The following MAP7 variants were observed in gnomAD, a reference collection of about 807,000 sequenced individuals.
MAP7 encodes ensconsin.
MAP7 carries 52 observed loss-of-function variants against 94.8 expected under a neutral mutation model. The ratio of observed to expected loss-of-function variants is 0.55; its 90% CI spans 0.44 to 0.69. The LOEUF is 0.69. Ranked by LOEUF, MAP7 falls within the 30% of genes least tolerant of loss-of-function variation. The pLI, the probability that MAP7 is intolerant of heterozygous loss-of-function variation, is 0.00. For missense variants in MAP7, 940 were observed against 964.6 expected (o/e 0.97, Z 0.34); for synonymous variants, 350 against 357.0 (o/e 0.98, Z 0.22).
chr6:136,460,792 C>A (rs1175214399), intron 1 of MAP7, among the ~76,000 whole-genome samples: 1 of 152,064 alleles, frequency 6.6e-6, no homozygotes, highest in African/African-American at 2.4e-5. Context: ...ATCCAAGGTG[C>A]ATCTGAAGAT....
intron 1 of MAP7, among the ~76,000 whole-genome samples, chr6:136,485,725 G>T (rs1324322886): frequency 2.6e-5 from 4 of 151,554 alleles, no homozygotes; most frequent in Non-Finnish European, 5.9e-5. Context: ...ACTACGCCCG[G>T]CTAATTTTTT....
intron 1 of MAP7, among the ~76,000 whole-genome samples, chr6:136,426,306 A>AT (rs1793122755): frequency 6.6e-6 from 1 of 152,124 alleles, no homozygotes; most frequent in Admixed American, 6.5e-5. Context: ...GAATTAAGTA[A>AT]TTTTTTCAAC....
At chr6:136,456,767 G>GGAGGAATAAGAAGAAGAA (rs1179338276) in intron 1 of MAP7, among the ~76,000 whole-genome samples, 2 of 60,520 alleles carry the variant, frequency 3.3e-5, no homozygotes, top group African/African-American at 1.5e-4. Context: ...AGGAGGAGGA[G>GGAGGAATAAGAAGAAGAA]GAAGAAGAAG....
intron 1 of MAP7, among the ~76,000 whole-genome samples, chr6:136,498,114 A>C (rs1818832607): frequency 6.6e-6 from 1 of 152,100 alleles, no homozygotes. Context: ...TGAAAGCTAC[A>C]CCTTTTCCCC....
intron 1 of MAP7, among the ~76,000 whole-genome samples, chr6:136,454,865 C>A (rs1218761069): frequency 6.6e-6 from 1 of 152,004 alleles, no homozygotes; most frequent in East Asian, 2.0e-4. Flanking sequence ...TGCCACTGCA[C>A]ACCTGCTTGG....
chr6:136,374,173 G>A (rs73559055), intron 7 of MAP7, among the ~76,000 whole-genome samples: 2,316 of 152,182 alleles, frequency 0.015, 36 homozygotes, highest in East Asian at 0.039. Flanking sequence ...ATATATGTAC[G>A]TCTTAATTGG....
At chr6:136,367,037 T>C (rs1470888146) in intron 8 of MAP7, among the ~76,000 whole-genome samples, 1 of 152,204 alleles carries the variant, frequency 6.6e-6, no homozygotes, top group Non-Finnish European at 1.5e-5. Context: ...AAGTCAGGTT[T>C]AAAGTGAGGA....
intron 1 of MAP7, among the ~76,000 whole-genome samples, chr6:136,482,037 T>C (rs764805183): frequency 3.3e-5 from 5 of 152,142 alleles, no homozygotes; most frequent in Non-Finnish European, 5.9e-5. Flanking sequence ...TTTAGAAAGA[T>C]TTACATTAGA....
In MAP7 at chr6:136,401,746, G is replaced by A. The variant is rs879507078; in HGVS notation, c.244+9874C>T. 6.6e-5 allele frequency among the ~76,000 whole-genome samples: 10 copies of A among 150,998 alleles called. No individual in the cohort carries two copies. The East Asian group carries it at 1.9e-3, about 29-fold the overall frequency. ...GTATACATATGTAACAAACTTGAACGTTGTGCACATGTACCCAAGAACTTA... is the reference window on the plus strand; with the variant it reads ...GTATACATATGTAACAAACTTGAACATTGTGCACATGTACCCAAGAACTTA... On this transcript the variant is annotated intron_variant, in intron 3 of 17. Coordinates refer to ENST00000354570, the MANE Select transcript of MAP7 (RefSeq NM_003980.6).
At chr6:136,463,488 T>G (rs1229307435) in intron 1 of MAP7, among the ~76,000 whole-genome samples, 1 of 152,222 alleles carries the variant, frequency 6.6e-6, no homozygotes, top group Non-Finnish European at 1.5e-5. Flanking sequence ...AAAGAATTTT[T>G]TTTTCCAAAA....
chr6:136,355,173 C>CA (rs1484035625), intron 16 of MAP7, among the ~76,000 whole-genome samples: 1 of 150,590 alleles, frequency 6.6e-6, no homozygotes, highest in East Asian at 1.9e-4. Context: ...GAGTCTGTCT[C>CA]AAAAAAAATA....
At chr6:136,502,565 T>C (rs1820107689) in intron 1 of MAP7, among the ~76,000 whole-genome samples, 1 of 152,196 alleles carries the variant, frequency 6.6e-6, no homozygotes, top group South Asian at 2.1e-4. Context: ...GCTTCCAGGA[T>C]GAATGTGGCA....
At chr6:136,382,951 G>T (rs917258024) in intron 6 of MAP7, among the ~76,000 whole-genome samples, 19 of 152,066 alleles carry the variant, frequency 1.2e-4, no homozygotes, top group African/African-American at 4.3e-4. Flanking sequence ...TTAAAAGCTT[G>T]ATTTTTTTCA....
intron 3 of MAP7, among the ~76,000 whole-genome samples, chr6:136,408,265 C>A (rs1324925399): frequency 2.0e-5 from 3 of 152,046 alleles, no homozygotes; most frequent in Non-Finnish European, 4.4e-5. Context: ...AGTACAAGTG[C>A]CCAACGACAG....
intron 3 of MAP7, among the ~76,000 whole-genome samples, chr6:136,394,472 T>C (rs1781734031): frequency 6.6e-6 from 1 of 152,168 alleles, no homozygotes; most frequent in African/African-American, 2.4e-5. Flanking sequence ...GTGCTATTTA[T>C]AGGGTACATA....
chr6:136,378,685 T>C (rs17065467), intron 6 of MAP7, among the ~76,000 whole-genome samples: 3,206 of 152,334 alleles, frequency 0.021, 123 homozygotes, highest in African/African-American at 0.072. Context: ...TCCCAAATTA[T>C]ATTGGAGCTT....
At chr6:136,523,101 A>G (rs557414205) in intron 1 of MAP7, among the ~76,000 whole-genome samples, 2 of 152,332 alleles carry the variant, frequency 1.3e-5, no homozygotes, top group African/African-American at 4.8e-5. Flanking sequence ...GCAACAAATG[A>G]TACAGGCAAC....
At chr6:136,506,711 G>A (rs1241165410) in intron 1 of MAP7, among the ~76,000 whole-genome samples, 4 of 152,166 alleles carry the variant, frequency 2.6e-5, no homozygotes, top group East Asian at 3.9e-4. Context: ...AGCTTGAGGC[G>A]GGTGTTAAAG....
At chr6:136,489,483 A>G (rs1055410040) in intron 1 of MAP7, among the ~76,000 whole-genome samples, 1 of 149,468 alleles carries the variant, frequency 6.7e-6, no homozygotes, top group South Asian at 2.1e-4. Context: ...AATATACTCT[A>G]GGAAATTCTT....
Sources: gnomAD v4.1 joint callset for allele counts (sites outside exome capture counted in the v4.1 genomes callset) on GRCh38, gnomAD v4.1.1 for gene constraint, MANE v1.5 for transcripts, NCBI Gene and HGNC (gene_info 2026-07-23, HGNC 2026-07-21) for gene names.